The following NSUN3 variants were observed in gnomAD, a reference collection of about 807,000 sequenced individuals.
NSUN3 encodes NOP2/Sun RNA methyltransferase 3.
NSUN3 carries 24 observed loss-of-function variants against 36.8 expected under a neutral mutation model. That is an observed-to-expected ratio of 0.65 (90% CI 0.47 to 0.92). NSUN3 has a LOEUF of 0.92. Ranked by LOEUF, NSUN3 falls within the 40% of genes least tolerant of loss-of-function variation. The pLI is 0.00. For missense variants in NSUN3, 381 were observed against 392.8 expected, an observed-to-expected ratio of 0.97 and a Z score of 0.25; for synonymous variants, 146 against 145.2, an observed-to-expected ratio of 1.01 and a Z score of -0.04.
intron 2 of NSUN3, among the ~76,000 whole-genome samples, chr3:94,080,731 A>G (rs921327636): frequency 6.6e-6 from 1 of 152,194 alleles, no homozygotes; most frequent in Non-Finnish European, 1.5e-5. Context: ...CTCAAGCCTC[A>G]GTAATGGCGG....
Position 94,130,571 on chromosome 3 carries a change from G to A in NSUN3, c.*4081G>A, listed in dbSNP as rs932243795. ...CTAAAACTAGAAAAAACATGGTCTT[G>A]TAACATGTTATTTTCTTAGATCACT... On this transcript the variant is annotated 3_prime_UTR_variant, in exon 6 of 6. Coordinates refer to ENST00000314622, the MANE Select transcript of NSUN3 (RefSeq NM_022072.5). Among the ~76,000 whole-genome samples, 2 of 152,132 alleles carry A rather than the reference G, an allele frequency of 1.3e-5. No individual in the cohort carries two copies. The highest frequency in any genetic ancestry group is 4.8e-5 in the African/African-American group (2 of 41,432).
chr3:94,084,683 G>A (rs1245424691), intron 3 of NSUN3: 6 of 420,962 alleles, frequency 1.4e-5, no homozygotes, highest in Admixed American at 8.1e-5. Flanking sequence ...TCAACATTTC[G>A]CAAATACAAA....
chr3:94,094,066 A>G (rs2077327300), intron 3 of NSUN3, 74 bp from the exon 4 acceptor site: 1 of 1,101,612 alleles, frequency 9.1e-7, no homozygotes, highest in Admixed American at 3.0e-5. Context: ...TCTTTCTGAA[A>G]TTTATTTGCT....
intron 5 of NSUN3, among the ~76,000 whole-genome samples, chr3:94,122,517 A>G (rs767810718): frequency 6.6e-6 from 1 of 151,946 alleles, no homozygotes; most frequent in South Asian, 2.1e-4. Flanking sequence ...TCATCACACT[A>G]CCCTGCACCC....
chr3:94,066,371 T>C (rs576067740), intron 2 of NSUN3, among the ~76,000 whole-genome samples: 8 of 152,304 alleles, frequency 5.3e-5, no homozygotes, highest in African/African-American at 1.2e-4. Flanking sequence ...TATGGGGAAA[T>C]AAGAACAGAA....
chr3:94,105,307 G>C (rs922212578), intron 5 of NSUN3, among the ~76,000 whole-genome samples: 2 of 152,138 alleles, frequency 1.3e-5, no homozygotes, highest in Non-Finnish European at 2.9e-5. Flanking sequence ...CAGCCTATCC[G>C]TTAAGAGTCC....
intron 1 of NSUN3, 88 bp downstream of exon 1, chr3:94,063,226 G>A: frequency 1.5e-6 from 2 of 1,294,842 alleles, no homozygotes; most frequent in African/African-American, 1.5e-5. Context: ...GCTGGGATGG[G>A]GGAACATCAC....
At chr3:94,089,987 G>A (rs1036392400) in intron 3 of NSUN3, among the ~76,000 whole-genome samples, 19 of 152,064 alleles carry the variant, frequency 1.2e-4, no homozygotes, top group African/African-American at 4.6e-4. Flanking sequence ...ATATTGAGAG[G>A]AACATAGAAA....
intron 3 of NSUN3, chr3:94,085,481 G>A (rs966461148): frequency 6.6e-6 from 1 of 152,284 alleles, no homozygotes; most frequent in Non-Finnish European, 1.5e-5. Flanking sequence ...TGTTGGCTGG[G>A]CGCGGTGGCT....
Position 94,130,545 on chromosome 3 carries a change from T to C in NSUN3, c.*4055T>C, listed in dbSNP as rs756429500. On this transcript the variant is annotated 3_prime_UTR_variant, in exon 6 of 6. Coordinates refer to ENST00000314622, the MANE Select transcript of NSUN3 (RefSeq NM_022072.5). ...AACACTTATGAGTTATATAAAATGT[T>C]CTAAAACTAGAAAAAACATGGTCTT... Among the ~76,000 whole-genome samples the C allele has an allele frequency of 7.9e-5, 12 of 152,186 alleles. No homozygotes were observed. Among genetic ancestry groups the C allele is most frequent in the Non-Finnish European group, 1.6e-4 (11 of 68,028 alleles).
At chr3:94,082,948 AC>A (rs1435543005) in intron 2 of NSUN3, among the ~76,000 whole-genome samples, 4 of 152,166 alleles carry the variant, frequency 2.6e-5, no homozygotes, top group Non-Finnish European at 1.5e-5. Context: ...TCAGAAGAAA[AC>A]ACTCATTCCC....
chr3:94,082,667 A>G (rs563589814), intron 2 of NSUN3, among the ~76,000 whole-genome samples: 113 of 152,198 alleles, frequency 7.4e-4, no homozygotes, highest in African/African-American at 2.7e-3. Flanking sequence ...CTCCCAAATA[A>G]CTCAGCTAGA....
intron 2 of NSUN3, among the ~76,000 whole-genome samples, chr3:94,071,980 T>C (rs2077226185): frequency 6.6e-6 from 1 of 152,132 alleles, no homozygotes; most frequent in Admixed American, 6.5e-5. Flanking sequence ...TGGAGGTCAG[T>C]GGCAGGTGTG....
chr3:94,075,845 A>G, intron 2 of NSUN3: 1 of 1,053,750 alleles, frequency 9.5e-7, no homozygotes, highest in Non-Finnish European at 1.4e-6. Context: ...ACCAGTGTTA[A>G]ATCACTCTCA....
At chr3:94,107,076 T>A (rs1426695813) in intron 5 of NSUN3, among the ~76,000 whole-genome samples, 1 of 151,988 alleles carries the variant, frequency 6.6e-6, no homozygotes, top group Non-Finnish European at 1.5e-5. Flanking sequence ...CCAAGTAGTT[T>A]GAACAATAGG....
At position 94,130,889 on chromosome 3, in the gene NSUN3, T is replaced by A. The variant is rs1183658399; in HGVS notation, c.*4399T>A. On this transcript the variant is annotated 3_prime_UTR_variant, in exon 6 of 6. Coordinates refer to ENST00000314622, the MANE Select transcript of NSUN3 (RefSeq NM_022072.5). ...TCCTGCAAAGCCAGCAAAGTTTCAT[T>A]TTCATTCAACCCTTTTTTTTTCACT... 5.9e-5 allele frequency among the ~76,000 whole-genome samples: 9 copies of A among 152,100 alleles called. No homozygotes were observed. Among genetic ancestry groups the A allele is most frequent in the Non-Finnish European group, 1.0e-4 (7 of 68,018 alleles).
chr3:94,088,292 T>G (rs1478775019), intron 3 of NSUN3, among the ~76,000 whole-genome samples: 1 of 152,184 alleles, frequency 6.6e-6, no homozygotes, highest in East Asian at 1.9e-4. Flanking sequence ...TTTTCAAACT[T>G]TTTTTAGTAG....
At chr3:94,079,922 A>T (rs2077260913) in intron 2 of NSUN3, among the ~76,000 whole-genome samples, 1 of 151,980 alleles carries the variant, frequency 6.6e-6, no homozygotes. Context: ...TCTGAAGCCT[A>T]CTTCTGTCAG....
chr3:94,125,512 A>AC (rs1178824561), intron 5 of NSUN3, among the ~76,000 whole-genome samples: 1 of 152,166 alleles, frequency 6.6e-6, no homozygotes, highest in Non-Finnish European at 1.5e-5. Context: ...AAACCTTCCA[A>AC]CTTTTTACCT....
Sources: allele counts gnomAD v4.1 joint callset (sites outside exome capture counted in the v4.1 genomes callset), GRCh38; gene constraint gnomAD v4.1.1; transcripts MANE v1.5; gene names NCBI Gene and HGNC (gene_info 2026-07-23, HGNC 2026-07-21).